IL1RAPL1: variants seen among roughly 807,000 people sequenced by gnomAD.
IL1RAPL1 encodes interleukin-1 receptor accessory protein-like 1.
A neutral mutation model predicts 48.4 loss-of-function variants in IL1RAPL1; 3 were observed. The ratio of observed to expected loss-of-function variants is 0.06; its 90% confidence interval spans 0.03 to 0.16. The LOEUF is 0.16. Ranked by LOEUF, IL1RAPL1 falls within the 10% of genes least tolerant of loss-of-function variation. The pLI is 1.00. For missense variants in IL1RAPL1, 349 were observed against 530.6 expected, an observed-to-expected ratio of 0.66 and a Z score of 3.36; for synonymous variants, 185 against 187.7, an observed-to-expected ratio of 0.99 and a Z score of 0.12.
chrX:29,872,690 T>C (rs1398856567), intron 6 of IL1RAPL1, among the ~76,000 whole-genome samples: 5 of 111,782 alleles, frequency 4.5e-5, no homozygotes, highest in African/African-American at 6.5e-5. Flanking sequence ...CAGCTAACAA[T>C]CTCTTCTTTT....
At chrX:29,075,566 T>A (rs930511965) in intron 2 of IL1RAPL1, among the ~76,000 whole-genome samples, 1 of 111,811 alleles carries the variant, frequency 8.9e-6, no homozygotes, top group East Asian at 2.8e-4. Context: ...GTGCAGCAAA[T>A]GTTAAATTTA....
chrX:28,814,375 G>GTGTA, intron 2 of IL1RAPL1, among the ~76,000 whole-genome samples: 1 of 107,799 alleles, frequency 9.3e-6, no homozygotes, highest in African/African-American at 3.4e-5. Flanking sequence ...GTGTGTGTGT[G>GTGTA]TGTGTATGTG....
At chrX:29,222,681 AATG>A (rs772824571) in intron 2 of IL1RAPL1, among the ~76,000 whole-genome samples, 425 of 111,940 alleles carry the variant, frequency 3.8e-3, no homozygotes, top group Non-Finnish European at 5.7e-3. Flanking sequence ...TCTATATTGC[AATG>A]ATATCTGAAA....
At chrX:29,485,812 G>A (rs893263874) in intron 5 of IL1RAPL1, among the ~76,000 whole-genome samples, 4 of 111,399 alleles carry the variant, frequency 3.6e-5, no homozygotes, top group Non-Finnish European at 5.6e-5. Context: ...AAGTCATCAA[G>A]CATTTAGTTC....
At chrX:29,260,969 T>C in intron 2 of IL1RAPL1, among the ~76,000 whole-genome samples, 1 of 107,482 alleles carries the variant, frequency 9.3e-6, no homozygotes, top group East Asian at 2.8e-4. Context: ...TAATAAAATG[T>C]ATAGACAGTA....
intron 7 of IL1RAPL1, among the ~76,000 whole-genome samples, chrX:29,918,616 C>T: frequency 9.0e-6 from 1 of 110,847 alleles, no homozygotes; most frequent in Non-Finnish European, 1.9e-5. Flanking sequence ...ATTTGAGCCA[C>T]CAAGTGGAAT....
At chrX:29,174,083 C>G (rs1036374072) in intron 2 of IL1RAPL1, among the ~76,000 whole-genome samples, 1 of 110,331 alleles carries the variant, frequency 9.1e-6, no homozygotes, top group Non-Finnish European at 1.9e-5. Context: ...AGCCACCATG[C>G]CCTGCGAATT....
intron 2 of IL1RAPL1, among the ~76,000 whole-genome samples, chrX:28,928,719 A>G (rs956230139): frequency 8.9e-6 from 1 of 112,295 alleles, no homozygotes; most frequent in Non-Finnish European, 1.9e-5. Context: ...AAGTAGGAAC[A>G]GTCACTCTCA....
chrX:29,014,438 A>G (rs988519314), intron 2 of IL1RAPL1, among the ~76,000 whole-genome samples: 1 of 111,270 alleles, frequency 9.0e-6, no homozygotes, highest in African/African-American at 3.3e-5. Context: ...GTGTATATAT[A>G]CTCTTAACCC....
chrX:29,035,273 T>A (rs1201366710), intron 2 of IL1RAPL1, among the ~76,000 whole-genome samples: 1 of 111,360 alleles, frequency 9.0e-6, no homozygotes. Context: ...AAATCTCCAA[T>A]AATTTTTAAA....
intron 6 of IL1RAPL1, among the ~76,000 whole-genome samples, chrX:29,812,221 T>A (rs972614519): frequency 8.9e-6 from 1 of 112,317 alleles, no homozygotes; most frequent in African/African-American, 3.2e-5. Flanking sequence ...TTCATAAAGA[T>A]TCGAAGAGAA....
At chrX:28,640,335 TTTTG>T (rs1458115266) in intron 1 of IL1RAPL1, among the ~76,000 whole-genome samples, 3 of 110,580 alleles carry the variant, frequency 2.7e-5, no homozygotes, top group African/African-American at 3.3e-5. Flanking sequence ...ATGGTCTGTT[TTTTG>T]TTTGTTTGTT....
At chrX:29,616,449 A>G (rs1242222598) in intron 5 of IL1RAPL1, among the ~76,000 whole-genome samples, 1 of 108,657 alleles carries the variant, frequency 9.2e-6, no homozygotes, top group Non-Finnish European at 1.9e-5. Context: ...ATTTAACGTT[A>G]GGTATATCTC....
At chrX:29,177,461 A>C (rs923208386) in intron 2 of IL1RAPL1, among the ~76,000 whole-genome samples, 4 of 112,097 alleles carry the variant, frequency 3.6e-5, no homozygotes, top group African/African-American at 1.3e-4. Context: ...GTTCTTTTCT[A>C]GGGCAGAGTG....
rs1028217481 is a variant in IL1RAPL1 at position 28,621,003 on chromosome X, C to G, written c.-25+32956C>G. Among the ~76,000 whole-genome samples, 5 of 111,901 alleles carry G rather than the reference C, an allele frequency of 4.5e-5. No individual in the cohort carries two copies. In the East Asian group the frequency reaches 8.5e-4, roughly 19 times the overall value. ...GCATCTTCCCTGCTCTTCACATTGG[C>G]TGTCCCTTGAAATACAAGGCCTCAT... On this transcript the variant is annotated intron_variant, in intron 1 of 10. Transcript: ENST00000378993.
At chrX:29,755,259 C>T (rs1202404683) in intron 6 of IL1RAPL1, among the ~76,000 whole-genome samples, 2 of 112,103 alleles carry the variant, frequency 1.8e-5, no homozygotes, top group Admixed American at 1.9e-4. Context: ...ATTTTGTAGG[C>T]AACTAGGTTT....
At chrX:28,651,656 C>A in intron 1 of IL1RAPL1, among the ~76,000 whole-genome samples, 1 of 112,619 alleles carries the variant, frequency 8.9e-6, no homozygotes, top group Non-Finnish European at 1.9e-5. Flanking sequence ...TTACAACAAT[C>A]CTTCTCATTT....
intron 2 of IL1RAPL1, among the ~76,000 whole-genome samples, chrX:29,248,518 CAAA>C (rs1205491894): frequency 8.9e-6 from 1 of 112,041 alleles, no homozygotes; most frequent in Non-Finnish European, 1.9e-5. Flanking sequence ...CAACTCAATG[CAAA>C]AATGCACATA....
intron 2 of IL1RAPL1, among the ~76,000 whole-genome samples, chrX:29,055,688 A>G (rs148689851): frequency 0.01 from 1,140 of 112,025 alleles, 9 homozygotes; most frequent in African/African-American, 0.032. Context: ...AATTTGTAGG[A>G]GGATAATGTT....
Sources: allele counts gnomAD v4.1 joint callset (sites outside exome capture counted in the v4.1 genomes callset), GRCh38; gene constraint gnomAD v4.1.1; transcripts MANE v1.5; gene names NCBI Gene and HGNC (gene_info 2026-07-23, HGNC 2026-07-21).